EXTL3: variants seen among roughly 807,000 people sequenced by gnomAD.
EXTL3 encodes exostosin-like 3.
Under a neutral mutation model 69.3 loss-of-function variants are expected in EXTL3, and 27 were observed. The ratio of observed to expected loss-of-function variants is 0.39; its 90% CI spans 0.29 to 0.54. The LOEUF (loss-of-function observed/expected upper bound fraction) is 0.54. Among genes scored for constraint, EXTL3 ranks in the 20% least tolerant of loss-of-function variants. EXTL3 has a pLI of 0.69. For missense variants in EXTL3, 1,003 were observed against 1,231.8 expected (o/e 0.81, Z 2.78); for synonymous variants, 511 against 499.4 (o/e 1.02, Z -0.31).
rs17059326 is a variant in EXTL3 at position 28,716,863 on chromosome 8, G to A, written c.804G>A (p.Thr268=). 2.5e-3 allele frequency: 4,051 copies of A among 1,614,206 alleles called. 95 individuals carry two copies. In the African/African-American group the frequency reaches 0.048, roughly 19 times the overall value. Residue 268 remains threonine (T), a synonymous_variant, in exon 3 of 7, where the codon ACG becomes ACA. Transcript: ENST00000220562. This position sits in a 1 kb window ranked among gnomAD's most constrained non-coding sequence, Gnocchi z 7.1. ...TGTATTCCCTGCCACACTGGCGGACGGATGGACACAACCATGTCATCATCA... is the reference window on the plus strand; with the variant it reads ...TGTATTCCCTGCCACACTGGCGGACAGATGGACACAACCATGTCATCATCA... ...KQLYSLPHWR[T]DGHNHVIINL...
chr8:28,750,845 C>G lies in EXTL3; in HGVS notation c.2739C>G (p.Thr913=), dbSNP rs146860691. Residue 913 remains threonine, a synonymous_variant, in exon 7 of 7, where the codon ACC becomes ACG. Transcript: ENST00000220562. This position sits in a 1 kb window ranked among gnomAD's most constrained non-coding sequence, Gnocchi z 5.2. ...LFKTRLPHDK[T]KCFKFI The stretch of plus-strand genomic sequence containing the variant: ...AGACACGCCTGCCCCATGACAAGAC[C>G]AAGTGCTTCAAGTTCATCTAGGGGC... 9.9e-6 allele frequency: 16 copies of G among 1,613,954 alleles called. No individual in the cohort carries two copies. The African/African-American group carries it at 1.9e-4, about 19-fold the overall frequency.
At chr8:28,734,714 AC>A (rs769190637) in intron 4 of EXTL3, among the ~76,000 whole-genome samples, 63 of 152,262 alleles carry the variant, frequency 4.1e-4, no homozygotes, top group Middle Eastern at 3.4e-3. Flanking sequence ...ACAAAACAAA[AC>A]AAAACAAAAA....
At chr8:28,638,887 T>A (rs893995946) in intron 1 of EXTL3, among the ~76,000 whole-genome samples, 2 of 151,788 alleles carry the variant, frequency 1.3e-5, no homozygotes, top group African/African-American at 4.8e-5. Flanking sequence ...CACCTCAACG[T>A]CCCAAAATAC....
chr8:28,654,544 T>C (rs1806975219), intron 1 of EXTL3, among the ~76,000 whole-genome samples: 1 of 152,102 alleles, frequency 6.6e-6, no homozygotes, highest in Admixed American at 6.6e-5. Flanking sequence ...AGCCAACTTT[T>C]TATATTTTGT....
At chr8:28,637,687 C>T (rs1263575520) in intron 1 of EXTL3, among the ~76,000 whole-genome samples, 1 of 151,968 alleles carries the variant, frequency 6.6e-6, no homozygotes, top group East Asian at 1.9e-4. Context: ...CTTCTCCTTC[C>T]TCCCTTCTCT....
At chr8:28,624,706 C>G (rs1311618385) in intron 1 of EXTL3, among the ~76,000 whole-genome samples, 1 of 152,088 alleles carries the variant, frequency 6.6e-6, no homozygotes, top group Non-Finnish European at 1.5e-5. Context: ...AAACCAAAAT[C>G]TAGTTATTAA....
At chr8:28,639,137 C>A (rs1377427087) in intron 1 of EXTL3, among the ~76,000 whole-genome samples, 2 of 151,748 alleles carry the variant, frequency 1.3e-5, no homozygotes, top group Admixed American at 1.3e-4. Flanking sequence ...AGGTTTTCAC[C>A]ATGTTGGTCT....
chr8:28,739,414 C>G (rs190835159), intron 5 of EXTL3, among the ~76,000 whole-genome samples: 123 of 152,228 alleles, frequency 8.1e-4, no homozygotes, highest in African/African-American at 2.9e-3. Context: ...TTAGCCTCCA[C>G]CTCTTGGGCC....
chr8:28,724,547 C>T (rs535929892), intron 3 of EXTL3, among the ~76,000 whole-genome samples: 8 of 149,812 alleles, frequency 5.3e-5, no homozygotes, highest in Admixed American at 3.3e-4. Context: ...ATGGGTGGAT[C>T]GCGAGGTCAG....
At chr8:28,695,127 G>A (rs1800666203) in intron 1 of EXTL3, among the ~76,000 whole-genome samples, 1 of 144,376 alleles carries the variant, frequency 6.9e-6, no homozygotes, top group African/African-American at 2.7e-5. Context: ...AAGTAAATGA[G>A]GATTTTTTTT....
chr8:28,672,906 G>T (rs887035791), intron 1 of EXTL3, among the ~76,000 whole-genome samples: 4 of 152,140 alleles, frequency 2.6e-5, no homozygotes, highest in African/African-American at 9.7e-5. Context: ...CGGGGGGTGG[G>T]TCTTCCCTGT....
In EXTL3 at chr8:28,750,959, G is replaced by A; in HGVS notation, c.*93G>A. 6 of 1,119,050 alleles carry A rather than the reference G, an allele frequency of 5.4e-6. No individual in the cohort carries two copies. The South Asian group carries it at 7.7e-5, about 14-fold the overall frequency. 69.3% of individuals were successfully genotyped at this position (1,119,050 alleles called of 1,614,324 possible). On this transcript the variant is annotated 3_prime_UTR_variant, in exon 7 of 7. Transcript: ENST00000220562. This position sits in a 1 kb window ranked among gnomAD's most constrained non-coding sequence, Gnocchi z 5.2. ...TTGCAGGACCTTGGGCACATCTGCT[G>A]GTGGGTGGCCCAGAGCCTCTGCTGG...
chr8:28,708,834 A>C (rs1800974495), intron 1 of EXTL3, among the ~76,000 whole-genome samples: 1 of 152,204 alleles, frequency 6.6e-6, no homozygotes, highest in Non-Finnish European at 1.5e-5. Flanking sequence ...ACAAGCACAG[A>C]TATACAGGTG....
intron 1 of EXTL3, among the ~76,000 whole-genome samples, chr8:28,687,925 T>C (rs1302741833): frequency 2.6e-5 from 4 of 152,228 alleles, no homozygotes; most frequent in Non-Finnish European, 5.9e-5. Context: ...TTTTTCATTT[T>C]GTGTTTTCAT....
chr8:28,712,328 GGCAGTACAGTGGGCA>G (rs1801046395), intron 1 of EXTL3, among the ~76,000 whole-genome samples: 2 of 152,132 alleles, frequency 1.3e-5, no homozygotes, highest in Admixed American at 1.3e-4. Context: ...TGGGGAGCCC[GGCAGTACAGTGGGCA>G]GCCTTGAAAA....
chr8:28,638,085 ATTTG>A (rs1017973373), intron 1 of EXTL3, among the ~76,000 whole-genome samples: 32 of 151,796 alleles, frequency 2.1e-4, no homozygotes, highest in African/African-American at 7.7e-4. Flanking sequence ...TCCTCGTGCT[ATTTG>A]TTCTTGGTCT....
chr8:28,665,417 T>TTTC (rs1491244270), intron 1 of EXTL3, among the ~76,000 whole-genome samples: 2 of 108,624 alleles, frequency 1.8e-5, no homozygotes, highest in Non-Finnish European at 3.5e-5. Flanking sequence ...ACTTGTTTAC[T>TTTC]TTTTTTTTTT....
At chr8:28,688,261 C>T (rs974981186) in intron 1 of EXTL3, among the ~76,000 whole-genome samples, 2 of 152,036 alleles carry the variant, frequency 1.3e-5, no homozygotes, top group East Asian at 1.9e-4. Context: ...GACGGGGTTT[C>T]ACCATGTTGG....
chr8:28,723,596 C>T (rs865905640), intron 3 of EXTL3, among the ~76,000 whole-genome samples: 21 of 150,236 alleles, frequency 1.4e-4, no homozygotes, highest in African/African-American at 4.4e-4. Flanking sequence ...TGCTTCAGGT[C>T]ACTTGACTAA....
Sources: allele counts gnomAD v4.1 joint callset (sites outside exome capture counted in the v4.1 genomes callset), GRCh38; gene constraint gnomAD v4.1.1; non-coding constraint Gnocchi (gnomAD v3.1); transcripts MANE v1.5; gene names NCBI Gene and HGNC (gene_info 2026-07-23, HGNC 2026-07-21).